The following SGCZ variants were observed in gnomAD, a reference collection of about 807,000 sequenced individuals.
The protein encoded by SGCZ is sarcoglycan zeta, also known as zeta-sarcoglycan.
SGCZ carries 40 observed loss-of-function variants against 41.3 expected under a neutral mutation model. The observed-to-expected ratio is 0.97, with a 90% CI of 0.75 to 1.26. The LOEUF is 1.26. SGCZ is among the 50% of genes most tolerant of loss of function. SGCZ has a pLI of 0.00. For synonymous variants in SGCZ, 206 were observed against 137.5 expected (o/e 1.50, Z -3.49); for missense variants, 552 against 369.8 (o/e 1.49, Z -4.04).
At chr8:14,109,524 T>C (rs1277968930) in intron 5 of SGCZ, among the ~76,000 whole-genome samples, 1 of 152,184 alleles carries the variant, frequency 6.6e-6, no homozygotes, top group Non-Finnish European at 1.5e-5. Flanking sequence ...CATCAGTGGC[T>C]TCAACACTAG....
chr8:14,981,831 C>G (rs1351047460), intron 1 of SGCZ, among the ~76,000 whole-genome samples: 1 of 152,120 alleles, frequency 6.6e-6, no homozygotes, highest in East Asian at 1.9e-4. Context: ...AAAGTATATT[C>G]TCTACTCAAA....
chr8:14,271,003 C>A (rs1316873261), intron 3 of SGCZ, among the ~76,000 whole-genome samples: 2 of 151,994 alleles, frequency 1.3e-5, no homozygotes, highest in African/African-American at 4.8e-5. Context: ...ACAGTGAGAA[C>A]GCAAGGACAC....
chr8:14,766,651 T>C (rs1193414727), intron 1 of SGCZ, among the ~76,000 whole-genome samples: 2 of 151,242 alleles, frequency 1.3e-5, no homozygotes, highest in East Asian at 1.9e-4. Context: ...AATTTCCACC[T>C]CCCAGGCTCA....
intron 1 of SGCZ, among the ~76,000 whole-genome samples, chr8:14,996,988 G>T (rs538717649): frequency 1.2e-4 from 19 of 152,262 alleles, no homozygotes; most frequent in African/African-American, 3.9e-4. Flanking sequence ...GCTCTTTTGT[G>T]TTCATTTGAA....
intron 4 of SGCZ, among the ~76,000 whole-genome samples, chr8:14,210,003 C>T (rs1319692334): frequency 1.7e-5 from 1 of 58,746 alleles, no homozygotes; most frequent in Non-Finnish European, 2.7e-5. Context: ...GTAAAGCCTT[C>T]AGATTCTTAT....
intron 1 of SGCZ, among the ~76,000 whole-genome samples, chr8:15,119,126 G>A (rs1807383299): frequency 6.6e-6 from 1 of 152,080 alleles, no homozygotes; most frequent in Admixed American, 6.6e-5. Flanking sequence ...AGGGTGTAAT[G>A]AGCCATTTGT....
chr8:14,700,374 C>T (rs1022949930), intron 1 of SGCZ, among the ~76,000 whole-genome samples: 11 of 151,892 alleles, frequency 7.2e-5, no homozygotes, highest in African/African-American at 2.4e-4. Flanking sequence ...AAATAAAATA[C>T]CACATGTTAT....
intron 2 of SGCZ, among the ~76,000 whole-genome samples, chr8:14,511,753 G>A (rs1585614331): frequency 6.6e-6 from 1 of 152,108 alleles, no homozygotes; most frequent in East Asian, 1.9e-4. Context: ...AAGTATGATT[G>A]TATAGCCAAA....
At chr8:14,830,652 A>T (rs1435740523) in intron 1 of SGCZ, among the ~76,000 whole-genome samples, 2 of 152,062 alleles carry the variant, frequency 1.3e-5, no homozygotes, top group East Asian at 1.9e-4. Flanking sequence ...ACTAATAATT[A>T]TTTTTTTCAT....
chr8:14,219,858 T>TTCTC (rs1806131819), intron 4 of SGCZ, among the ~76,000 whole-genome samples: 2 of 152,252 alleles, frequency 1.3e-5, no homozygotes, highest in Admixed American at 6.5e-5. Flanking sequence ...GAAAATTTCT[T>TTCTC]GTAGGGAAAA....
At position 14,961,261 on chromosome 8, in the gene SGCZ, GC is replaced by G. The variant is rs1308601139; in HGVS notation, c.39+276323del. ...AAATCTCTCCGAATCCTAAATACCA[GC>G]CTAGACTCAAATGGACTGCCTACTG... On this transcript the variant is annotated intron_variant, in intron 1 of 7. Coordinates refer to ENST00000382080, the MANE Select transcript of SGCZ (RefSeq NM_139167.4). Among the ~76,000 whole-genome samples the G allele has an allele frequency of 2.0e-5, 3 of 152,012 alleles. No individual in the cohort carries two copies. In the South Asian group the frequency reaches 6.2e-4, roughly 31 times the overall value.
chr8:14,892,869 C>G (rs947155756), intron 1 of SGCZ, among the ~76,000 whole-genome samples: 1 of 152,104 alleles, frequency 6.6e-6, no homozygotes, highest in Non-Finnish European at 1.5e-5. Context: ...ATCTATCATT[C>G]TATGGTTCTA....
chr8:14,375,111 TAGACAGACAGAC>T (rs77420529), intron 2 of SGCZ, among the ~76,000 whole-genome samples: 31 of 150,256 alleles, frequency 2.1e-4, no homozygotes, highest in East Asian at 9.8e-4. Context: ...GATAGATAGA[TAGACAGACAGAC>T]AGACAGACAG....
intron 2 of SGCZ, among the ~76,000 whole-genome samples, chr8:14,491,052 T>C (rs1054638209): frequency 6.6e-6 from 1 of 152,232 alleles, no homozygotes; most frequent in African/African-American, 2.4e-5. Context: ...TTATGTTTCC[T>C]CATTTTACTT....
intron 1 of SGCZ, among the ~76,000 whole-genome samples, chr8:14,743,100 C>G (rs186494652): frequency 6.6e-6 from 1 of 152,144 alleles, no homozygotes; most frequent in East Asian, 1.9e-4. Context: ...TATGCACAAT[C>G]AGCACATTCT....
At chr8:14,504,864 T>C (rs1802259346) in intron 2 of SGCZ, among the ~76,000 whole-genome samples, 1 of 152,152 alleles carries the variant, frequency 6.6e-6, no homozygotes, top group South Asian at 2.1e-4. Context: ...AATATTTCAC[T>C]TTCCTCTTTC....
intron 2 of SGCZ, among the ~76,000 whole-genome samples, chr8:14,467,374 T>C (rs1399390960): frequency 6.6e-6 from 1 of 152,018 alleles, no homozygotes; most frequent in African/African-American, 2.4e-5. Flanking sequence ...CAATGGCCAT[T>C]GTCTCTTTAT....
chr8:14,728,647 C>CA (rs1182057276), intron 1 of SGCZ, among the ~76,000 whole-genome samples: 3 of 151,872 alleles, frequency 2.0e-5, no homozygotes, highest in African/African-American at 4.8e-5. Context: ...AAAATTGACA[C>CA]AAAAAATAGA....
At chr8:14,914,305 A>G (rs1030726448) in intron 1 of SGCZ, among the ~76,000 whole-genome samples, 1 of 152,148 alleles carries the variant, frequency 6.6e-6, no homozygotes, top group African/African-American at 2.4e-5. Flanking sequence ...TCACCGTCAT[A>G]AATATTTTAA....
Sources: gnomAD v4.1 joint callset for allele counts (sites outside exome capture counted in the v4.1 genomes callset) on GRCh38, gnomAD v4.1.1 for gene constraint, MANE v1.5 for transcripts, NCBI Gene and HGNC (gene_info 2026-07-23, HGNC 2026-07-21) for gene names.